The following NR3C2 variants were observed in gnomAD, a reference collection of about 807,000 sequenced individuals.
The protein encoded by NR3C2 is mineralocorticoid receptor.
A neutral mutation model predicts 86.4 loss-of-function variants in NR3C2; 15 were observed. The ratio of observed to expected loss-of-function variants is 0.17; its 90% CI spans 0.12 to 0.27. The LOEUF is 0.27. Among genes scored for constraint, NR3C2 ranks in the 10% least tolerant of loss-of-function variants. The pLI, the probability that NR3C2 is intolerant of heterozygous loss-of-function variation, is 1.00. For synonymous variants in NR3C2, 458 were observed against 450.5 expected, an observed-to-expected ratio of 1.02 and a Z score of -0.21; for missense variants, 960 against 1,195.6, an observed-to-expected ratio of 0.80 and a Z score of 2.91.
intron 2 of NR3C2, among the ~76,000 whole-genome samples, chr4:148,272,933 A>C (rs565040757): frequency 1.3e-5 from 2 of 152,232 alleles, no homozygotes; most frequent in Admixed American, 6.5e-5. Flanking sequence ...AAGAAGTTGA[A>C]GTAGGCTGTT....
chr4:148,246,969 T>C (rs924863292), intron 3 of NR3C2, among the ~76,000 whole-genome samples: 1 of 152,256 alleles, frequency 6.6e-6, no homozygotes, highest in Non-Finnish European at 1.5e-5. Context: ...CAGTGATTTT[T>C]ATTAATGCCT....
At chr4:148,119,270 T>C (rs1389398519) in intron 7 of NR3C2, among the ~76,000 whole-genome samples, 1 of 152,186 alleles carries the variant, frequency 6.6e-6, no homozygotes, top group Non-Finnish European at 1.5e-5. Flanking sequence ...CCGCTAAGTG[T>C]TGTTACTGCC....
At chr4:148,385,411 CT>C (rs1353215773) in intron 2 of NR3C2, among the ~76,000 whole-genome samples, 1 of 152,208 alleles carries the variant, frequency 6.6e-6, no homozygotes, top group Non-Finnish European at 1.5e-5. Flanking sequence ...AAGCAATGTG[CT>C]GTATATTTTA....
chr4:148,147,464 T>C (rs1733922302), intron 6 of NR3C2, among the ~76,000 whole-genome samples: 1 of 152,260 alleles, frequency 6.6e-6, no homozygotes, highest in African/African-American at 2.4e-5. Flanking sequence ...ATTTTTTCAA[T>C]AATTCATTTA....
chr4:148,260,030 A>G lies in NR3C2; in HGVS notation c.1845T>C (p.Tyr615=). The G allele has an allele frequency of 1.9e-6, 3 of 1,614,186 alleles. No homozygotes were observed. The highest frequency in any genetic ancestry group is 1.7e-6 in the Non-Finnish European group (2 of 1,180,028). The change falls in exon 3 of 9, where the codon TAT becomes TAC. Residue 615 remains tyrosine, a synonymous_variant. Transcript: ENST00000358102. ...VCGDEASGCH[Y]GVVTCGSCKV... ...TGCAGCTGCCACAGGTGACTACCCC[A>G]TAATGGCATCCTGAAGCCTCATCCC...
chr4:148,189,835 T>C (rs1401286100), intron 4 of NR3C2, among the ~76,000 whole-genome samples: 4 of 152,186 alleles, frequency 2.6e-5, no homozygotes, highest in Admixed American at 6.5e-5. Flanking sequence ...TAAAGGTGTT[T>C]ATAGTAGCCT....
intron 8 of NR3C2, among the ~76,000 whole-genome samples, chr4:148,098,403 T>C (rs542791180): frequency 6.6e-6 from 1 of 152,258 alleles, no homozygotes; most frequent in East Asian, 1.9e-4. Flanking sequence ...CTTAGGAACA[T>C]AGACAGCACT....
Position 148,155,311 on chromosome 4 carries a change from C to T in NR3C2, c.2015-410G>A, listed in dbSNP as rs147769636. On this transcript the variant is annotated intron_variant, in intron 4 of 8. Coordinates refer to ENST00000358102, the MANE Select transcript of NR3C2 (RefSeq NM_000901.5). ...GTAAGGGTATTCAATTAGGAAAAGA[C>T]GAAGTCAAATTGTCCCTGTTTGCAG... 4.2e-3 allele frequency among the ~76,000 whole-genome samples: 632 copies of T among 152,264 alleles called. 2 individuals are homozygous for T. The highest frequency in any genetic ancestry group is 0.01 in the Middle Eastern group (3 of 294).
At chr4:148,259,259 A>G (rs1739977321) in intron 3 of NR3C2, among the ~76,000 whole-genome samples, 1 of 152,248 alleles carries the variant, frequency 6.6e-6, no homozygotes, top group Admixed American at 6.5e-5. Flanking sequence ...CACTTTCACC[A>G]GACATAGTTT....
intron 3 of NR3C2, among the ~76,000 whole-genome samples, chr4:148,231,427 TG>T: frequency 6.6e-6 from 1 of 152,340 alleles, no homozygotes; most frequent in South Asian, 2.1e-4. Flanking sequence ...ATAGTTTTTT[TG>T]GTTTCCCAGT....
chr4:148,115,869 T>C (rs1245897861), intron 7 of NR3C2, among the ~76,000 whole-genome samples: 1 of 152,194 alleles, frequency 6.6e-6, no homozygotes, highest in African/African-American at 2.4e-5. Context: ...TTAAATGCTA[T>C]CCATTATATA....
chr4:148,367,496 T>G (rs754562343), intron 2 of NR3C2, among the ~76,000 whole-genome samples: 2 of 152,142 alleles, frequency 1.3e-5, no homozygotes, highest in Admixed American at 6.5e-5. Flanking sequence ...ATACGAACAA[T>G]GTTATCACAC....
intron 2 of NR3C2, among the ~76,000 whole-genome samples, chr4:148,323,948 G>A (rs1469025255): frequency 2.6e-5 from 4 of 152,044 alleles, no homozygotes; most frequent in Admixed American, 2.0e-4. Flanking sequence ...GCTTTTCTAA[G>A]CCTTATATAA....
chr4:148,401,273 AGAGGC>A (rs1377151051), intron 2 of NR3C2, among the ~76,000 whole-genome samples: 2 of 152,136 alleles, frequency 1.3e-5, no homozygotes, highest in African/African-American at 4.8e-5. Flanking sequence ...GAAGCATGGC[AGAGGC>A]TGCTAGGAGA....
At chr4:148,374,155 AT>A (rs1423904388) in intron 2 of NR3C2, among the ~76,000 whole-genome samples, 1 of 152,230 alleles carries the variant, frequency 6.6e-6, no homozygotes, top group Non-Finnish European at 1.5e-5. Context: ...ACAATAGCCT[AT>A]CATAAAAGAA....
At chr4:148,191,742 CT>C (rs1736203775) in intron 4 of NR3C2, among the ~76,000 whole-genome samples, 1 of 152,162 alleles carries the variant, frequency 6.6e-6, no homozygotes, top group African/African-American at 2.4e-5. Context: ...TCTTTGAGCT[CT>C]GAATTTCTTG....
intron 2 of NR3C2, among the ~76,000 whole-genome samples, chr4:148,313,314 G>A (rs1316398830): frequency 6.6e-6 from 1 of 152,108 alleles, no homozygotes; most frequent in African/African-American, 2.4e-5. Context: ...ATTGCACTCA[G>A]TACAAGTTTT....
intron 3 of NR3C2, among the ~76,000 whole-genome samples, chr4:148,220,082 C>T (rs534555574): frequency 9.8e-5 from 12 of 122,788 alleles, no homozygotes; most frequent in Middle Eastern, 3.9e-3. Context: ...ACCACTACAC[C>T]CAGCTAATTT....
intron 2 of NR3C2, among the ~76,000 whole-genome samples, chr4:148,339,690 G>GT (rs1479333253): frequency 1.3e-5 from 2 of 152,114 alleles, no homozygotes; most frequent in African/African-American, 4.8e-5. Flanking sequence ...TCCTTTCACT[G>GT]TAAGTCCTAG....
Sources: gnomAD v4.1 joint callset for allele counts (sites outside exome capture counted in the v4.1 genomes callset) on GRCh38, gnomAD v4.1.1 for gene constraint, MANE v1.5 for transcripts, NCBI Gene and HGNC (gene_info 2026-07-23, HGNC 2026-07-21) for gene names.